SLC38A8: variants seen among roughly 807,000 people sequenced by gnomAD.
The protein encoded by SLC38A8 is amino acid transporter SLC38A8.
SLC38A8 carries 65 observed loss-of-function variants against 46.0 expected under a neutral mutation model. That is an observed-to-expected ratio of 1.41 (90% CI 1.16 to 1.74). The LOEUF is 1.74. SLC38A8 is among the 40% of genes most tolerant of loss of function. The pLI is 0.00. For synonymous variants in SLC38A8, 447 were observed against 243.7 expected, an observed-to-expected ratio of 1.83 and a Z score of -7.77; for missense variants, 998 against 567.9, an observed-to-expected ratio of 1.76 and a Z score of -7.70.
chr16:84,039,933 G>C (rs896833785), intron 2 of SLC38A8: 1 of 152,172 alleles, frequency 6.6e-6, no homozygotes, highest in Admixed American at 6.5e-5. Flanking sequence ...GGATTTGCCC[G>C]TTTTCATCAA....
chr16:84,035,629 T>C (rs1269871837), intron 3 of SLC38A8, among the ~76,000 whole-genome samples: 1 of 152,230 alleles, frequency 6.6e-6, no homozygotes. Flanking sequence ...ATCCAAGTCA[T>C]AGTTAGATTC....
intron 6 of SLC38A8, among the ~76,000 whole-genome samples, chr16:84,023,216 C>G (rs1478110057): frequency 2.0e-5 from 3 of 152,174 alleles, no homozygotes; most frequent in East Asian, 3.9e-4. Flanking sequence ...TCTCCCTTAC[C>G]TGCCCACCTT....
chr16:84,017,040 G>A (rs936554995), intron 8 of SLC38A8, 100 bp downstream of exon 8: 1 of 1,471,776 alleles, frequency 6.8e-7, no homozygotes, highest in East Asian at 2.3e-5. Context: ...GGAGAGGATG[G>A]TAGTCCCACA....
intron 7 of SLC38A8, among the ~76,000 whole-genome samples, chr16:84,020,772 T>G (rs2085086183): frequency 6.6e-6 from 1 of 152,196 alleles, no homozygotes; most frequent in Non-Finnish European, 1.5e-5. Flanking sequence ...CTGAAATGCC[T>G]TCAGGGTCTT....
chr16:84,013,349 G>A lies in SLC38A8; in HGVS notation c.1163-297C>T, dbSNP rs565069505. Among the ~76,000 whole-genome samples, 27 of 151,900 alleles carry A rather than the reference G, an allele frequency of 1.8e-4. No individual in the cohort carries two copies. The East Asian group carries it at 5.2e-3, about 29-fold the overall frequency. On this transcript the variant is annotated intron_variant, in intron 9 of 10. Coordinates refer to ENST00000299709, the MANE Select transcript of SLC38A8 (RefSeq NM_001080442.3). ...CCACAGCAGAGTCTATGAGGAGATGGTGAGAGTCCATGCCTGACACCCGGG... is the reference window on the plus strand; with the variant it reads ...CCACAGCAGAGTCTATGAGGAGATGATGAGAGTCCATGCCTGACACCCGGG...
intron 3 of SLC38A8, among the ~76,000 whole-genome samples, chr16:84,036,499 G>A (rs920955052): frequency 6.6e-5 from 10 of 152,238 alleles, no homozygotes; most frequent in African/African-American, 2.4e-4. Flanking sequence ...TCATGCACTT[G>A]TGTGCCCATG....
chr16:84,034,966 C>T (rs937924650), intron 3 of SLC38A8, among the ~76,000 whole-genome samples: 1 of 152,138 alleles, frequency 6.6e-6, no homozygotes, highest in Non-Finnish European at 1.5e-5. Flanking sequence ...TGCCATGACT[C>T]CCCCAAGCAC....
chr16:84,011,292 G>A lies in SLC38A8; in HGVS notation c.1215-1415C>T, dbSNP rs565106513. Among the ~76,000 whole-genome samples the A allele has an allele frequency of 2.6e-5, 4 of 152,322 alleles. No homozygotes were observed. The East Asian group carries it at 5.8e-4, about 22-fold the overall frequency. ...AAAAACTGTTGTGAGCTCAGATCAA[G>A]GAACAAAACAAAAAGCATGAAGACT... On this transcript the variant is annotated intron_variant, in intron 10 of 10. Transcript: ENST00000299709.
At chr16:84,025,932 C>G (rs890955593) in intron 6 of SLC38A8, among the ~76,000 whole-genome samples, 1 of 152,232 alleles carries the variant, frequency 6.6e-6, no homozygotes, top group African/African-American at 2.4e-5. Context: ...CTGCCTCCTG[C>G]ACCCCCGCAG....
chr16:84,021,492 C>T (rs1484599821), intron 7 of SLC38A8, among the ~76,000 whole-genome samples: 1 of 152,186 alleles, frequency 6.6e-6, no homozygotes, highest in Non-Finnish European at 1.5e-5. Flanking sequence ...TCCTCAGTTC[C>T]GTCTGAAACC....
chr16:84,033,386 C>T lies in SLC38A8; in HGVS notation c.472G>A (p.Val158Met), dbSNP rs765508572. 2.9e-5 allele frequency: 47 copies of T among 1,613,872 alleles called. No homozygotes were observed. The highest frequency in any genetic ancestry group is 3.6e-5 in the Non-Finnish European group (43 of 1,179,968). ...GCAGACAGGGGCAGGATGACCAGCA[C>T]GGAGAGCAGGGGCAGGGTGAAGCGC... ...DQRFTLPLLS[V>M]LVILPLSAPR... The change falls in exon 4 of 11, where the codon GTG becomes ATG. Residue 158 changes from valine (V) to methionine (M), a missense_variant. Val to Met is a conservative substitution (Grantham distance 21). Transcript: ENST00000299709.
chr16:84,039,182 G>A (rs748786815), intron 2 of SLC38A8, among the ~76,000 whole-genome samples: 5 of 152,300 alleles, frequency 3.3e-5, no homozygotes, highest in African/African-American at 4.8e-5. Context: ...TTTGGAGGGA[G>A]CGAAGCCCTG....
intron 8 of SLC38A8, 79 bp from the exon 9 acceptor site, chr16:84,016,806 C>T: frequency 6.9e-7 from 1 of 1,442,512 alleles, no homozygotes; most frequent in African/African-American, 1.4e-5. Context: ...CCCAGTCCTC[C>T]AGGAGTCCCC....
chr16:84,042,255 C>T, intron 1 of SLC38A8, 96 bp from the exon 2 acceptor site: 1 of 1,348,520 alleles, frequency 7.4e-7, no homozygotes, highest in East Asian at 2.4e-5. Flanking sequence ...TCAGTGAGAG[C>T]TCCCTGAGCC....
chr16:84,031,742 A>G (rs2085240923), intron 5 of SLC38A8, 125 bp downstream of exon 5: 1 of 785,794 alleles, frequency 1.3e-6, no homozygotes, highest in Admixed American at 2.3e-5. Context: ...GACGGAAAGA[A>G]CTGGAAGGAA....
At chr16:84,021,324 C>G (rs908826774) in intron 7 of SLC38A8, among the ~76,000 whole-genome samples, 1 of 152,180 alleles carries the variant, frequency 6.6e-6, no homozygotes, top group African/African-American at 2.4e-5. Context: ...CTCGGCCTCC[C>G]AAAGTGCTGC....
intron 7 of SLC38A8, among the ~76,000 whole-genome samples, chr16:84,019,906 C>T (rs999129482): frequency 5.3e-5 from 8 of 152,244 alleles, no homozygotes; most frequent in African/African-American, 1.9e-4. Context: ...CCATGTGCCA[C>T]CCCCTGGACA....
At position 84,009,844 on chromosome 16, in the gene SLC38A8, C is replaced by G. The variant is rs2084934173; in HGVS notation, c.1248G>C (p.Val416=). Residue 416 remains valine, a synonymous_variant, in exon 11 of 11, where the codon GTG becomes GTC. Transcript: ENST00000299709. ...CCLEVWGVVS[V]LVGTFIFGQS... ...GCCCAAAGATGAAGGTGCCGACCAG[C>G]ACAGAGACCACTCCCCAGACCTCCA... The G allele has an allele frequency of 4.3e-6, 7 of 1,613,978 alleles. No homozygotes were observed. The highest frequency in any genetic ancestry group is 4.0e-5 in the African/African-American group (3 of 74,916).
intron 3 of SLC38A8, among the ~76,000 whole-genome samples, chr16:84,035,712 G>C (rs921920267): frequency 6.6e-6 from 1 of 152,210 alleles, no homozygotes; most frequent in African/African-American, 2.4e-5. Context: ...TCTATTAATG[G>C]TAGAGAAGAC....
Sources: gnomAD v4.1 joint callset for allele counts (sites outside exome capture counted in the v4.1 genomes callset) on GRCh38, gnomAD v4.1.1 for gene constraint, MANE v1.5 for transcripts, NCBI Gene and HGNC (gene_info 2026-07-23, HGNC 2026-07-21) for gene names.